Variants in SPEF2 observed in about 807,000 individuals in gnomAD.
SPEF2 encodes the protein sperm flagellar and cilia associated 2.
Under a neutral mutation model 224.6 loss-of-function variants are expected in SPEF2, and 187 were observed. That is an observed-to-expected ratio of 0.83 (90% CI 0.74 to 0.94). The LOEUF is 0.94. Among genes scored for constraint, SPEF2 ranks in the 40% least tolerant of loss-of-function variants. The pLI, the probability that SPEF2 is intolerant of heterozygous loss-of-function variation, is 0.00. For synonymous variants in SPEF2, 715 were observed against 707.3 expected, an observed-to-expected ratio of 1.01 and a Z score of -0.17; for missense variants, 2,170 against 2,135.6, an observed-to-expected ratio of 1.02 and a Z score of -0.32.
intron 34 of SPEF2, among the ~76,000 whole-genome samples, chr5:35,803,476 G>A (rs756607847): frequency 1.6e-4 from 24 of 152,308 alleles, no homozygotes; most frequent in Middle Eastern, 6.8e-3. Context: ...AGAACACTGC[G>A]CTGCAGAGAT....
intron 28 of SPEF2, among the ~76,000 whole-genome samples, chr5:35,774,528 A>G (rs1474457254): frequency 2.0e-5 from 3 of 152,162 alleles, no homozygotes; most frequent in Non-Finnish European, 2.9e-5. Context: ...TATATCTATT[A>G]TGTTCAGAGG....
rs1464979571 is a variant in SPEF2 at position 35,667,038 on chromosome 5, A to G, written c.1168-34A>G. On this transcript the variant is annotated intron_variant, in intron 8 of 36. Coordinates refer to ENST00000356031, the MANE Select transcript of SPEF2 (RefSeq NM_024867.4). ...GACATTATTTTTATTTGATTCAATT[A>G]TAGTGACTTAAAAATATGTTTTTGC... 3.2e-6 allele frequency: 5 copies of G among 1,556,212 alleles called. No individual in the cohort carries two copies. In the South Asian group the frequency reaches 5.0e-5, roughly 15 times the overall value.
intron 1 of SPEF2, among the ~76,000 whole-genome samples, chr5:35,623,696 C>T (rs1743829841): frequency 6.6e-6 from 1 of 152,124 alleles, no homozygotes; most frequent in Admixed American, 6.5e-5. Context: ...TATATGAATG[C>T]CAGGAATTGC....
rs7448971 is a variant in SPEF2, at chr5:35,704,482, C to T, written c.2399-72C>T. ...GACCGTATCTGTTTGGCATCTTTCACCAGTATATTTTAGCAGTAAGTAGCA... is the reference window on the plus strand; with the variant it reads ...GACCGTATCTGTTTGGCATCTTTCATCAGTATATTTTAGCAGTAAGTAGCA... On this transcript the variant is annotated intron_variant, in intron 16 of 36. Transcript: ENST00000356031. 0.53 allele frequency: 474,791 copies of T among 903,022 alleles called. 128,141 individuals are homozygous for T. The highest frequency in any genetic ancestry group is 0.59 in the Middle Eastern group (2,047 of 3,486). 55.9% of individuals were successfully genotyped at this position (903,022 alleles called of 1,614,324 possible).
rs192231209 is a variant in SPEF2, at chr5:35,679,252, C to G, written c.1524+9025C>G. Among the ~76,000 whole-genome samples, 9 of 152,268 alleles carry G rather than the reference C, an allele frequency of 5.9e-5. No homozygotes were observed. The East Asian group carries it at 1.5e-3, about 26-fold the overall frequency. On this transcript the variant is annotated intron_variant, in intron 10 of 36. Transcript: ENST00000356031. ...CAGCCGGAAGGTCAGCCAGGAGATA[C>G]AGTGCCAGGGGTTTAATTCTTAGAA...
rs191749018 is a variant in SPEF2 at position 35,644,559 on chromosome 5, G to A, written c.585+34G>A. ...GAACTATTTTTTCAGAAATTCATTA[G>A]TGCATAGTATACAGTTTGTGATTTA... On this transcript the variant is annotated intron_variant, in intron 4 of 36. Transcript: ENST00000356031. 2.4e-4 allele frequency: 360 copies of A among 1,524,560 alleles called. 2 individuals are homozygous for A. The African/African-American group carries it at 4.3e-3, about 18-fold the overall frequency. 94.4% of individuals were successfully genotyped at this position (1,524,560 alleles called of 1,614,324 possible). A position where few individuals can be genotyped will look rare whatever the true frequency, so the allele number is the denominator to read the frequency against.
At chr5:35,737,168 T>C (rs981900674) in intron 21 of SPEF2, among the ~76,000 whole-genome samples, 15 of 152,204 alleles carry the variant, frequency 9.9e-5, no homozygotes, top group Non-Finnish European at 1.9e-4. Flanking sequence ...GTATATTAAA[T>C]GTCATTACTC....
chr5:35,786,851 C>A (rs991468877), intron 30 of SPEF2, among the ~76,000 whole-genome samples: 3 of 152,082 alleles, frequency 2.0e-5, no homozygotes, highest in Non-Finnish European at 4.4e-5. Context: ...CATTATGAAG[C>A]ACATTATTTA....
At chr5:35,773,559 A>G (rs536699766) in intron 27 of SPEF2, among the ~76,000 whole-genome samples, 4 of 152,120 alleles carry the variant, frequency 2.6e-5, no homozygotes, top group Non-Finnish European at 5.9e-5. Flanking sequence ...GGTCAGCACT[A>G]TGTGGGGATT....
chr5:35,618,408 G>A (rs1742971662), intron 1 of SPEF2, among the ~76,000 whole-genome samples: 1 of 152,106 alleles, frequency 6.6e-6, no homozygotes, highest in South Asian at 2.1e-4. Context: ...CTGTGGAGAG[G>A]GAACTTTGCT....
At chr5:35,676,253 G>A (rs1751986487) in intron 10 of SPEF2, among the ~76,000 whole-genome samples, 1 of 152,008 alleles carries the variant, frequency 6.6e-6, no homozygotes, top group Admixed American at 6.5e-5. Flanking sequence ...TCCTCTGTGA[G>A]ACCAGGGAAA....
chr5:35,665,103 A>G (rs1464388452), intron 8 of SPEF2, among the ~76,000 whole-genome samples: 3 of 152,166 alleles, frequency 2.0e-5, no homozygotes, highest in Non-Finnish European at 4.4e-5. Context: ...CATGTATAAT[A>G]TAATTCTTTC....
chr5:35,710,447 C>A, intron 19 of SPEF2: 1 of 527,302 alleles, frequency 1.9e-6, no homozygotes, highest in Non-Finnish European at 2.4e-6. Context: ...ATCCCAGCTG[C>A]TTGGGAGGCT....
chr5:35,779,281 A>G lies in SPEF2; in HGVS notation c.4382A>G (p.Asp1461Gly). The G allele has an allele frequency of 1.2e-6, 2 of 1,614,018 alleles. No individual in the cohort carries two copies. Among genetic ancestry groups the G allele is most frequent in the Non-Finnish European group, 1.7e-6 (2 of 1,179,912 alleles). Residue 1461 changes from aspartate (D) to glycine (G), a missense_variant, in exon 30 of 37, where the codon GAT becomes GGT. Asp to Gly is a moderately conservative substitution (Grantham distance 94). Coordinates refer to ENST00000356031, the MANE Select transcript of SPEF2 (RefSeq NM_024867.4). Reference sequence around the variant, plus strand: ...CCTCCACCTGTAGAAAAGGAAGAAGATGGTACCCTGACCATTGAACAGCTT... The same window carrying G: ...CCTCCACCTGTAGAAAAGGAAGAAGGTGGTACCCTGACCATTGAACAGCTT... ...IRPPPVEKEE[D>G]GTLTIEQLDS...
At position 35,779,070 on chromosome 5, in the gene SPEF2, A is replaced by G. The variant is rs776949624; in HGVS notation, c.4218-47A>G. On this transcript the variant is annotated intron_variant, in intron 29 of 36. Transcript: ENST00000356031. ...TCTTATAAGCAAACTTTATTAATCT[A>G]ATAGTATCTTTCATGGGGTTAACGC... 3.6e-6 allele frequency: 5 copies of G among 1,405,352 alleles called. No individual in the cohort carries two copies. In the African/African-American group the frequency reaches 7.2e-5, roughly 20 times the overall value. The allele number at this position is 1,405,352 out of a possible 1,614,324, so 87.1% of individuals were successfully genotyped here. A position where few individuals can be genotyped will look rare whatever the true frequency, so the allele number is the denominator to read the frequency against.
intron 36 of SPEF2, chr5:35,807,970 C>T (rs1758278650): frequency 1.2e-5 from 17 of 1,369,354 alleles, no homozygotes; most frequent in Non-Finnish European, 1.6e-5. Flanking sequence ...CCCTGTTTGA[C>T]TCCTGTGAGT....
At chr5:35,787,241 G>A (rs1755276729) in intron 30 of SPEF2, among the ~76,000 whole-genome samples, 2 of 149,338 alleles carry the variant, frequency 1.3e-5, no homozygotes, top group Non-Finnish European at 3.0e-5. Context: ...ACCTGGCAAG[G>A]ATTTCAAAGC....
intron 36 of SPEF2, among the ~76,000 whole-genome samples, chr5:35,809,777 G>T (rs1405117525): frequency 1.3e-5 from 2 of 152,120 alleles, no homozygotes; most frequent in Non-Finnish European, 2.9e-5. Context: ...ATTCCTTGGG[G>T]ATATTGTGCC....
intron 10 of SPEF2, among the ~76,000 whole-genome samples, chr5:35,686,626 A>G (rs1753665892): frequency 2.0e-5 from 3 of 152,090 alleles, no homozygotes; most frequent in African/African-American, 7.2e-5. Flanking sequence ...TACCCTCTCA[A>G]TAGTGGTGAA....
Sources: allele counts gnomAD v4.1 joint callset (sites outside exome capture counted in the v4.1 genomes callset), GRCh38; gene constraint gnomAD v4.1.1; transcripts MANE v1.5; gene names NCBI Gene and HGNC (gene_info 2026-07-23, HGNC 2026-07-21).